TENM4: variants seen among roughly 807,000 people sequenced by gnomAD.
The protein encoded by TENM4 is teneurin-4.
TENM4 carries 82 observed loss-of-function variants against 243.3 expected under a neutral mutation model. The observed-to-expected ratio is 0.34, with a 90% CI of 0.28 to 0.40. TENM4 has a LOEUF of 0.40. Among genes scored for constraint, TENM4 ranks in the 10% least tolerant of loss-of-function variants. TENM4 has a pLI of 1.00. For synonymous variants in TENM4, 1,412 were observed against 1,456.3 expected, an observed-to-expected ratio of 0.97 and a Z score of 0.69; for missense variants, 3,138 against 3,673.3, an observed-to-expected ratio of 0.85 and a Z score of 3.77.
Position 78,669,605 on chromosome 11 carries a change from C to A in TENM4, c.6740G>T (p.Arg2247Leu), listed in dbSNP as rs370470074. 2 of 1,613,788 alleles carry A rather than the reference C, an allele frequency of 1.2e-6. No individual in the cohort carries two copies. The highest frequency in any genetic ancestry group is 2.7e-5 in the African/African-American group (2 of 74,882). Reference protein sequence around the residue: ...LRYDIRDRITRLGDVQYKMDE... With the variant: ...LRYDIRDRITLLGDVQYKMDE... ...CATCTTGTATTGCACGTCACCCAGCCGAGTGATGCGGTCGCGGATGTCATA... is the reference window on the plus strand; with the variant it reads ...CATCTTGTATTGCACGTCACCCAGCAGAGTGATGCGGTCGCGGATGTCATA... Residue 2247 changes from arginine (R) to leucine (L), a missense_variant, in exon 32 of 34, where the codon CGG (arginine) becomes CTG (leucine). Coordinates refer to ENST00000278550, the MANE Select transcript of TENM4 (RefSeq NM_001098816.3). This position sits in a 1 kb window ranked among gnomAD's most constrained non-coding sequence, Gnocchi z 6.4.
intron 13 of TENM4, among the ~76,000 whole-genome samples, chr11:78,813,739 A>T (rs1857548126): frequency 6.6e-6 from 1 of 152,180 alleles, no homozygotes; most frequent in South Asian, 2.1e-4. Flanking sequence ...CACAATGTTT[A>T]TCATGGGCAC....
At chr11:79,240,643 G>A (rs1864571818) in intron 2 of TENM4, among the ~76,000 whole-genome samples, 1 of 152,154 alleles carries the variant, frequency 6.6e-6, no homozygotes, top group Non-Finnish European at 1.5e-5. Context: ...TTTCAGTCCG[G>A]CCATCTGACC....
chr11:78,708,965 C>CTT (rs1188328355), intron 26 of TENM4, among the ~76,000 whole-genome samples: 1,853 of 132,700 alleles, frequency 0.014, 23 homozygotes, highest in Admixed American at 0.027. Flanking sequence ...CTTTCTTTTT[C>CTT]TTTCTTTTTT....
chr11:79,040,456 A>G (rs1238700893), intron 6 of TENM4, among the ~76,000 whole-genome samples: 2 of 152,134 alleles, frequency 1.3e-5, no homozygotes, highest in Admixed American at 1.3e-4. Flanking sequence ...CAGCAACCTG[A>G]GTCACACTCT....
At chr11:78,800,535 G>C (rs1485353867) in intron 15 of TENM4, among the ~76,000 whole-genome samples, 1 of 152,120 alleles carries the variant, frequency 6.6e-6, no homozygotes, top group Admixed American at 6.5e-5. Context: ...GATTAGGTTC[G>C]CTGTCGGGTA....
chr11:79,329,889 T>C lies in TENM4; in HGVS notation c.-320-32346A>G, dbSNP rs533807407. Among the ~76,000 whole-genome samples, 182 of 152,150 alleles carry C rather than the reference T, an allele frequency of 1.2e-3. 1 individual carries two copies. The highest frequency in any genetic ancestry group is 2.3e-3 in the Non-Finnish European group (156 of 68,040). Reference sequence around the variant, plus strand: ...AGGGAATGACAGCAGCTGATTTACATTTGTAAAATATCTCTCCAGCTGCCT... The same window carrying C: ...AGGGAATGACAGCAGCTGATTTACACTTGTAAAATATCTCTCCAGCTGCCT... On this transcript the variant is annotated intron_variant, in intron 1 of 33. Transcript: ENST00000278550.
intron 6 of TENM4, among the ~76,000 whole-genome samples, chr11:78,957,954 T>C (rs905057347): frequency 1.3e-5 from 2 of 152,144 alleles, no homozygotes; most frequent in Non-Finnish European, 2.9e-5. Context: ...GGATCTGATA[T>C]TTGAAACAAA....
At chr11:78,851,666 A>T (rs533166323) in intron 12 of TENM4, among the ~76,000 whole-genome samples, 1 of 152,280 alleles carries the variant, frequency 6.6e-6, no homozygotes, top group East Asian at 1.9e-4. Context: ...CACCACCACG[A>T]CTTGATGATC....
chr11:78,996,255 A>G (rs917284332), intron 6 of TENM4, among the ~76,000 whole-genome samples: 1 of 152,202 alleles, frequency 6.6e-6, no homozygotes, highest in Non-Finnish European at 1.5e-5. Context: ...AGAACTAGTA[A>G]CCTATGCTTC....
chr11:78,939,085 C>A (rs1565135162), intron 6 of TENM4, among the ~76,000 whole-genome samples: 1 of 152,186 alleles, frequency 6.6e-6, no homozygotes, highest in Admixed American at 6.5e-5. Flanking sequence ...CAGTGACTTT[C>A]TACAAGCAGA....
chr11:79,365,360 C>T (rs545642984), intron 1 of TENM4, among the ~76,000 whole-genome samples: 5 of 152,196 alleles, frequency 3.3e-5, no homozygotes, highest in African/African-American at 9.6e-5. Context: ...ATCAGACAGC[C>T]GAAAAGCTCC....
chr11:79,137,764 T>C (rs1200729766), intron 4 of TENM4, among the ~76,000 whole-genome samples: 1 of 152,188 alleles, frequency 6.6e-6, no homozygotes, highest in Non-Finnish European at 1.5e-5. Flanking sequence ...TTGTTAACTT[T>C]ATGTAATAGC....
chr11:79,133,567 A>G lies in TENM4; in HGVS notation c.-66+15143T>C, dbSNP rs369358458. Among the ~76,000 whole-genome samples the G allele has an allele frequency of 5.9e-5, 9 of 152,318 alleles. No homozygotes were observed. In the East Asian group the frequency reaches 9.6e-4, roughly 16 times the overall value. ...TAACCAAAAAAGAAAACTATGGACC[A>G]ATAATCTTAATGAACATAGATGCTA... is the stretch of plus-strand genomic sequence containing the variant. On this transcript the variant is annotated intron_variant, in intron 4 of 33. Transcript: ENST00000278550.
At chr11:78,819,309 C>T (rs867622289) in intron 12 of TENM4, among the ~76,000 whole-genome samples, 4 of 152,212 alleles carry the variant, frequency 2.6e-5, no homozygotes, top group South Asian at 4.1e-4. Context: ...CAGCTGATAA[C>T]TAAGTTCTCC....
At position 79,047,933 on chromosome 11, in the gene TENM4, A is replaced by G. The variant is rs562460144; in HGVS notation, c.493+16805T>C. Among the ~76,000 whole-genome samples, 7 of 152,332 alleles carry G rather than the reference A, an allele frequency of 4.6e-5. No individual in the cohort carries two copies. In the South Asian group the frequency reaches 1.2e-3, roughly 27 times the overall value. ...TAATTATTAAATAAATAATTATTGAAGAGCACTTAATTAATATAATAACAC... is the reference window on the plus strand; with the variant it reads ...TAATTATTAAATAAATAATTATTGAGGAGCACTTAATTAATATAATAACAC... On this transcript the variant is annotated intron_variant, in intron 6 of 33. Coordinates refer to ENST00000278550, the MANE Select transcript of TENM4 (RefSeq NM_001098816.3).
chr11:79,114,310 C>T (rs1861572595), intron 4 of TENM4, among the ~76,000 whole-genome samples: 1 of 152,204 alleles, frequency 6.6e-6, no homozygotes, highest in African/African-American at 2.4e-5. Flanking sequence ...CAAGTGTCCA[C>T]TGGCTACTTT....
At chr11:79,255,056 G>A (rs1054883035) in intron 2 of TENM4, among the ~76,000 whole-genome samples, 1 of 152,190 alleles carries the variant, frequency 6.6e-6, no homozygotes, top group Non-Finnish European at 1.5e-5. Context: ...GGGCTTGTGG[G>A]GGCATGGGCA....
chr11:79,350,640 G>A (rs11821312), intron 1 of TENM4, among the ~76,000 whole-genome samples: 86,291 of 149,308 alleles, frequency 0.58, 26,565 homozygotes, highest in African/African-American at 0.8. Flanking sequence ...GGGTCTCACT[G>A]TGTCACCCAG....
chr11:78,743,495 C>T (rs1855978668), intron 19 of TENM4, among the ~76,000 whole-genome samples: 1 of 152,146 alleles, frequency 6.6e-6, no homozygotes, highest in Admixed American at 6.5e-5. Flanking sequence ...TTATGTGCTT[C>T]TGTAACTTAA....
Sources: gnomAD v4.1 joint callset for allele counts (sites outside exome capture counted in the v4.1 genomes callset) on GRCh38, gnomAD v4.1.1 for gene constraint, Gnocchi (gnomAD v3.1) non-coding constraint, MANE v1.5 for transcripts, NCBI Gene and HGNC (gene_info 2026-07-23, HGNC 2026-07-21) for gene names.